Variants in NFIX observed in about 807,000 individuals in gnomAD.
The protein encoded by NFIX is nuclear factor I X, also known as nuclear factor 1 X-type.
In NFIX, 2 loss-of-function variants were observed where a neutral mutation model predicts 53.3. That is an observed-to-expected ratio of 0.04 (90% CI 0.02 to 0.12). The LOEUF (loss-of-function observed/expected upper bound fraction) is 0.12. Among genes scored for constraint, NFIX ranks in the 10% least tolerant of loss-of-function variants. NFIX has a pLI of 1.00. For missense variants in NFIX, 310 were observed against 674.5 expected (o/e 0.46, Z 5.99); for synonymous variants, 244 against 289.0 (o/e 0.84, Z 1.58).
intron 1 of NFIX, among the ~76,000 whole-genome samples, chr19:13,008,670 C>G (rs1026075606): frequency 6.6e-6 from 1 of 152,212 alleles, no homozygotes; most frequent in African/African-American, 2.4e-5. Context: ...ACGTGGGAAA[C>G]AGGCATAGGG....
At chr19:13,042,354 G>GC (rs2014692982) in intron 2 of NFIX, among the ~76,000 whole-genome samples, 2 of 100,480 alleles carry the variant, frequency 2.0e-5, no homozygotes, top group African/African-American at 8.5e-5. Context: ...GCTTTTACAT[G>GC]CTTTTTTTTT....
At position 13,043,887 on chromosome 19, in the gene NFIX, G is replaced by T. The variant is rs561186731; in HGVS notation, c.559+18335G>T. Among the ~76,000 whole-genome samples the T allele has an allele frequency of 3.9e-5, 6 of 152,304 alleles. No homozygotes were observed. Among genetic ancestry groups the T allele is most frequent in the African/African-American group, 1.4e-4 (6 of 41,558 alleles). On this transcript the variant is annotated intron_variant, in intron 2 of 10. Coordinates refer to ENST00000592199, the MANE Select transcript of NFIX (RefSeq NM_001365902.3). This position sits in a 1 kb window ranked among gnomAD's most constrained non-coding sequence, Gnocchi z 4.0. ...TACCTGTAATTCTAGCACTTTGGGA[G>T]GCCGATGTGGGAGGATCATTTGAGC...
At chr19:13,076,294 A>G (rs1365059450) in intron 6 of NFIX, among the ~76,000 whole-genome samples, 3 of 152,122 alleles carry the variant, frequency 2.0e-5, no homozygotes, top group African/African-American at 7.2e-5. Flanking sequence ...CCAGGTAGGG[A>G]AGCTAGCGAA....
rs1162296218 is a variant in NFIX, at chr19:13,097,339, C to T, written c.*2690C>T. On this transcript the variant is annotated 3_prime_UTR_variant, in exon 11 of 11. Coordinates refer to ENST00000592199, the MANE Select transcript of NFIX (RefSeq NM_001365902.3). Reference sequence around the variant, plus strand: ...ACACCTCGACATTTAAAAAATCAACCAACACAAGATCAAAAAGGAAAAGGA... The same window carrying T: ...ACACCTCGACATTTAAAAAATCAACTAACACAAGATCAAAAAGGAAAAGGA... The T allele has an allele frequency of 6.6e-6, 1 of 151,716 alleles. No homozygotes were observed. Among genetic ancestry groups the T allele is most frequent in the Admixed American group, 6.6e-5 (1 of 15,196 alleles). The allele number at this position is 151,716 out of a possible 1,614,324, so 9.4% of individuals were successfully genotyped here.
Position 13,025,041 on chromosome 19 carries a change from C to T in NFIX, c.48C>T (p.Ile16=), listed in dbSNP as rs559433211. ...TGCAGGATGAGTTCCACCCGTTCAT[C>T]GAGGCACTGCTGCCTCACGTCCGCG... is the stretch of plus-strand genomic sequence containing the variant. ...CLTQDEFHPF[I]EALLPHVRAF... Residue 16 remains isoleucine (I), a synonymous_variant, in exon 2 of 11, where the codon ATC becomes ATT. Coordinates refer to ENST00000592199, the MANE Select transcript of NFIX (RefSeq NM_001365902.3). This position sits in a 1 kb window ranked among gnomAD's most constrained non-coding sequence, Gnocchi z 7.5. 1.2e-5 allele frequency: 19 copies of T among 1,611,080 alleles called. No homozygotes were observed. In the East Asian group the frequency reaches 2.9e-4, roughly 25 times the overall value.
rs1487683872 is a variant in NFIX, at chr19:13,002,224, C to G, written c.27+6360C>G. On this transcript the variant is annotated intron_variant, in intron 1 of 10. Coordinates refer to ENST00000592199, the MANE Select transcript of NFIX (RefSeq NM_001365902.3). This position sits in a 1 kb window ranked among gnomAD's most constrained non-coding sequence, Gnocchi z 6.1. ...CTCTCTCTCTCTTTCCTCCCTCTCT[C>G]CTCCCCTCCTCCCCTCCTCCCGCTC... Among the ~76,000 whole-genome samples, 1 of 151,220 alleles carries G rather than the reference C, an allele frequency of 6.6e-6. No individual in the cohort carries two copies. Among genetic ancestry groups the G allele is most frequent in the African/African-American group, 2.4e-5 (1 of 41,166 alleles).
At chr19:13,069,297 C>T (rs1441008062) in intron 2 of NFIX, among the ~76,000 whole-genome samples, 2 of 152,118 alleles carry the variant, frequency 1.3e-5, no homozygotes, top group African/African-American at 4.8e-5. Flanking sequence ...AAGCCTGAGG[C>T]CAGAAAGGCT....
rs2016472758 is a variant in NFIX, at chr19:13,067,384, G to A, written c.560-5663G>A. On this transcript the variant is annotated intron_variant, in intron 2 of 10. Coordinates refer to ENST00000592199, the MANE Select transcript of NFIX (RefSeq NM_001365902.3). The surrounding 1 kb of genome is among the most constrained non-coding windows in gnomAD (Gnocchi z 4.2). ...CAGAGTTGAAGGGGATTCCTCTCTGGTGGCTCCAGATGTACCATCTCACTC... is the reference window on the plus strand; with the variant it reads ...CAGAGTTGAAGGGGATTCCTCTCTGATGGCTCCAGATGTACCATCTCACTC... Among the ~76,000 whole-genome samples, 1 of 152,126 alleles carries A rather than the reference G, an allele frequency of 6.6e-6. No homozygotes were observed. Among genetic ancestry groups the A allele is most frequent in the African/African-American group, 2.4e-5 (1 of 41,412 alleles).
chr19:13,056,745 C>T (rs117979175), intron 2 of NFIX, among the ~76,000 whole-genome samples: 3,723 of 152,294 alleles, frequency 0.024, 86 homozygotes, highest in Middle Eastern at 0.11. Flanking sequence ...ATTTGTGGGG[C>T]CCAGTGCAAA....
Position 13,073,988 on chromosome 19 carries a change from C to A in NFIX, c.780C>A (p.Thr260=). The A allele has an allele frequency of 1.2e-6, 2 of 1,613,994 alleles. No individual in the cohort carries two copies. The highest frequency in any genetic ancestry group is 1.7e-6 in the Non-Finnish European group (2 of 1,179,888). The change falls in exon 5 of 11, where the codon ACC becomes ACA. Residue 260 remains threonine, a synonymous_variant. Transcript: ENST00000592199. This position sits in a 1 kb window ranked among gnomAD's most constrained non-coding sequence, Gnocchi z 4.5. ...SPSYYNINQV[T]LGRRSITSPP... ...GCTACTACAACATCAACCAGGTGAC[C>A]CTGGGGCGGCGGTCCATCACCTCCC... is the stretch of plus-strand genomic sequence containing the variant.
Position 13,025,179 on chromosome 19 carries a change from C to T in NFIX, c.186C>T (p.Gly62=), listed in dbSNP as rs1057523001. 1.2e-6 allele frequency: 2 copies of T among 1,614,046 alleles called. No homozygotes were observed. The highest frequency in any genetic ancestry group is 1.3e-5 in the African/African-American group (1 of 74,896). The change falls in exon 2 of 11, where the codon GGC becomes GGT. Residue 62 remains glycine, a synonymous_variant. Transcript: ENST00000592199. The surrounding 1 kb of genome is among the most constrained non-coding windows in gnomAD (Gnocchi z 7.5). ...EERAVKDELL[G]EKPEIKQKWA... ...GGGCGGTGAAGGACGAGCTGCTGGG[C>T]GAGAAGCCCGAGATCAAGCAGAAGT...
At chr19:13,079,560 T>C (rs2017333824) in intron 7 of NFIX, among the ~76,000 whole-genome samples, 1 of 152,158 alleles carries the variant, frequency 6.6e-6, no homozygotes, top group Admixed American at 6.5e-5. Context: ...CCTGGGCTCG[T>C]ATGTAGGACA....
chr19:13,067,473 TGTGTGTGTGC>T lies in NFIX; in HGVS notation c.560-5564_560-5555del, dbSNP rs1396312189. On this transcript the variant is annotated intron_variant, in intron 2 of 10. Coordinates refer to ENST00000592199, the MANE Select transcript of NFIX (RefSeq NM_001365902.3). This position sits in a 1 kb window ranked among gnomAD's most constrained non-coding sequence, Gnocchi z 4.2. ...CCGTGTGTGTGCGCGCGTGTGTGTG[TGTGTGTGTGC>T]GTGTGTGTGTGTGTGTGTGTGTATG... Among the ~76,000 whole-genome samples, 3 of 116,698 alleles carry T rather than the reference TGTGTGTGTGC, an allele frequency of 2.6e-5. No individual in the cohort carries two copies. Among genetic ancestry groups the T allele is most frequent in the Non-Finnish European group, 5.1e-5 (3 of 58,580 alleles). The allele number at this position is 116,698 out of a possible 152,430, so 76.6% of individuals were successfully genotyped here. A position where few individuals can be genotyped will look rare whatever the true frequency, so the allele number is the denominator to read the frequency against.
chr19:13,046,084 G>A (rs1321955417), intron 2 of NFIX, among the ~76,000 whole-genome samples: 1 of 152,216 alleles, frequency 6.6e-6, no homozygotes. Context: ...AAACCTGGAT[G>A]GAGTGTAGGA....
chr19:13,076,162 C>G (rs2017089732), intron 6 of NFIX, among the ~76,000 whole-genome samples: 1 of 152,152 alleles, frequency 6.6e-6, no homozygotes. Flanking sequence ...CGCCTCCAGA[C>G]ATTGTCAGAC....
intron 1 of NFIX, chr19:13,023,955 C>T (rs2145186243): frequency 2.4e-6 from 3 of 1,276,180 alleles, no homozygotes; most frequent in East Asian, 5.4e-5. Context: ...CCTCCCCCCA[C>T]CCGCCCCCAA....
At position 13,009,138 on chromosome 19, in the gene NFIX, C is replaced by T. The variant is rs897050814; in HGVS notation, c.27+13274C>T. The stretch of plus-strand genomic sequence containing the variant: ...GCACACCGGCACAATCTGTCGTCCA[C>T]GCACAGTCTCACACACAACCTGTCA... On this transcript the variant is annotated intron_variant, in intron 1 of 10. Transcript: ENST00000592199. This position sits in a 1 kb window ranked among gnomAD's most constrained non-coding sequence, Gnocchi z 4.7. Among the ~76,000 whole-genome samples, 2 of 152,198 alleles carry T rather than the reference C, an allele frequency of 1.3e-5. No homozygotes were observed. The highest frequency in any genetic ancestry group is 4.8e-5 in the African/African-American group (2 of 41,440).
At position 13,036,613 on chromosome 19, in the gene NFIX, T is replaced by C. The variant is rs1000181775; in HGVS notation, c.559+11061T>C. On this transcript the variant is annotated intron_variant, in intron 2 of 10. Transcript: ENST00000592199. This position sits in a 1 kb window ranked among gnomAD's most constrained non-coding sequence, Gnocchi z 4.7. ...AGCCGAGTGCAGCCCTTGGGGAGTG[T>C]GTCCTTATTATGCCTGCAGATTATA... Among the ~76,000 whole-genome samples the C allele has an allele frequency of 1.3e-5, 2 of 152,144 alleles. No individual in the cohort carries two copies. Among genetic ancestry groups the C allele is most frequent in the African/African-American group, 4.8e-5 (2 of 41,420 alleles).
intron 2 of NFIX, among the ~76,000 whole-genome samples, chr19:13,069,248 CAGTT>C (rs1568311933): frequency 6.6e-6 from 1 of 152,158 alleles, no homozygotes; most frequent in Non-Finnish European, 1.5e-5. Flanking sequence ...TGGGGGTGCA[CAGTT>C]AGTGTCCCCA....
Sources: gnomAD v4.1 joint callset for allele counts (sites outside exome capture counted in the v4.1 genomes callset) on GRCh38, gnomAD v4.1.1 for gene constraint, Gnocchi (gnomAD v3.1) non-coding constraint, MANE v1.5 for transcripts, NCBI Gene and HGNC (gene_info 2026-07-23, HGNC 2026-07-21) for gene names.